The following OR5D14 variants were observed in gnomAD, a reference collection of about 807,000 sequenced individuals.
OR5D14 encodes the protein olfactory receptor 5D14.
For missense variants in OR5D14, 466 were observed against 375.5 expected, an observed-to-expected ratio of 1.24 and a Z score of -1.99; for synonymous variants, 187 against 138.2, an observed-to-expected ratio of 1.35 and a Z score of -2.48.
rs763302575 is a variant in OR5D14, at chr11:55,796,130, CT to C, written c.576del (p.Asp193IlefsTer22). 3.7e-6 allele frequency: 6 copies of C among 1,613,692 alleles called. No individual in the cohort carries two copies. Among genetic ancestry groups the C allele is most frequent in the South Asian group, 1.1e-5 (1 of 91,084 alleles). Reference sequence around the variant, plus strand: ...ACTGCTCTCATCTCTGTGTCTGGCTCTGATATACTCATCCCCCACCTGCTGC... The same window carrying C: ...ACTGCTCTCATCTCTGTGTCTGGCTCGATATACTCATCCCCCACCTGCTGC... ...EYTALISVSG[S>X]DILIPHLLLF... On this transcript the variant is annotated frameshift_variant, in exon 1 of 1. Transcript: ENST00000335605. LOFTEE classifies it low-confidence loss of function (END_TRUNC).
chr11:55,796,484 A>G lies in OR5D14; in HGVS notation c.929A>G (p.Gln310Arg). Residue 310 changes from glutamine (Q) to arginine (R), a missense_variant, in exon 1 of 1, where the codon CAA becomes CGA. By Grantham distance (43) the Gln-to-Arg change is conservative. Transcript: ENST00000335605. Reference protein sequence around the residue: ...KDAFWKLIHTQVPFH With the variant: ...KDAFWKLIHTRVPFH ...GCTTTCTGGAAGTTAATACATACAC[A>G]AGTTCCATTTCACTGAACCAGTCTC... 6.3e-7 allele frequency: 1 copy of G among 1,598,802 alleles called. No homozygotes were observed. The highest frequency in any genetic ancestry group is 8.5e-7 in the Non-Finnish European group (1 of 1,173,226).
chr11:55,795,864 C>G lies in OR5D14; in HGVS notation c.309C>G (p.Tyr103Ter). Residue 103 changes from tyrosine (Y) to a stop codon, truncating the protein, a stop_gained, in exon 1 of 1, where the codon TAC becomes TAG. Transcript: ENST00000335605. LOFTEE classifies it low-confidence loss of function (END_TRUNC). The stretch of plus-strand genomic sequence containing the variant: ...TCTACTTTAGCTGCATGATGCAGTA[C>G]TTCCTGTCCTGCACTGCTGTGGTGA... ...SIFYFSCMMQYFLSCTAVVTE... is the reference protein window; with the variant it reads ...SIFYFSCMMQ 1 of 1,613,908 alleles carries G rather than the reference C, an allele frequency of 6.2e-7. No homozygotes were observed. The highest frequency in any genetic ancestry group is 8.5e-7 in the Non-Finnish European group (1 of 1,179,974).
Position 55,796,037 on chromosome 11 carries a change from TC to T in OR5D14, c.484del (p.Leu162PhefsTer7), listed in dbSNP as rs1267809204. On this transcript the variant is annotated frameshift_variant, in exon 1 of 1. Transcript: ENST00000335605. LOFTEE classifies it low-confidence loss of function (END_TRUNC). ...TGGGGCATGTTTGGCCCCTTGGTAC[TC>T]CTTTGTTATGCTCTCCGGTTAAACT... is the stretch of plus-strand genomic sequence containing the variant. ...YLWGMFGPLV[L>X]LCYALRLNFS... The T allele has an allele frequency of 6.2e-7, 1 of 1,613,944 alleles. No individual in the cohort carries two copies. Among genetic ancestry groups the T allele is most frequent in the Admixed American group, 1.7e-5 (1 of 60,000 alleles).
Position 55,795,800 on chromosome 11 carries a change from A to G in OR5D14, c.245A>G (p.Lys82Arg), listed in dbSNP as rs1853516957. The G allele has an allele frequency of 6.2e-7, 1 of 1,613,708 alleles. No individual in the cohort carries two copies. Among genetic ancestry groups the G allele is most frequent in the African/African-American group, 1.3e-5 (1 of 74,808 alleles). ...TGTTACTCTTCCATTGTCACTCCCA[A>G]GCTGCTTGAGAACTTGGTAATGGCA... ...DFCYSSIVTP[K>R]LLENLVMADK... is the part of the protein sequence containing the mutation. The change falls in exon 1 of 1, where the codon AAG (lysine) becomes AGG (arginine). Residue 82 changes from lysine to arginine, a missense_variant. Physicochemically the swap from Lys to Arg is conservative, Grantham distance 26. Coordinates refer to ENST00000335605, the MANE Select transcript of OR5D14 (RefSeq NM_001004735.1).
At position 55,795,911 on chromosome 11, in the gene OR5D14, T is replaced by G; in HGVS notation, c.356T>G (p.Val119Gly). The G allele has an allele frequency of 6.2e-7, 1 of 1,613,940 alleles. No homozygotes were observed. Among genetic ancestry groups the G allele is most frequent in the Non-Finnish European group, 8.5e-7 (1 of 1,179,990 alleles). Residue 119 changes from valine to glycine, a missense_variant, in exon 1 of 1, where the codon GTG (valine) becomes GGG (glycine). Physicochemically the swap from Val to Gly is moderately radical, Grantham distance 109. Coordinates refer to ENST00000335605, the MANE Select transcript of OR5D14 (RefSeq NM_001004735.1). ...GTGACAGAGTCTTTCTTGCTGGCAG[T>G]GATGGCCTATGACCGCTTTGTGGCC... Reference protein sequence around the residue: ...AVVTESFLLAVMAYDRFVAIC... With the variant: ...AVVTESFLLAGMAYDRFVAIC...
Position 55,795,835 on chromosome 11 carries a change from ATCT to A in OR5D14, c.284_286del (p.Phe95del), listed in dbSNP as rs1346737420. The A allele has an allele frequency of 1.2e-6, 2 of 1,613,848 alleles. No individual in the cohort carries two copies. The highest frequency in any genetic ancestry group is 2.2e-5 in the East Asian group (1 of 44,880). On this transcript the variant is annotated inframe_deletion, in exon 1 of 1. Transcript: ENST00000335605. ...GAACTTGGTAATGGCAGATAAAAGC[ATCT>A]TCTACTTTAGCTGCATGATGCAGTA...
In OR5D14 at chr11:55,795,983, G is replaced by C; in HGVS notation, c.428G>C (p.Cys143Ser). Reference sequence around the variant, plus strand: ...ACAGTGGCCATGTCACAGAGGCTCTGTGCCCTGCTGGTGGCTGGGTCATAT... The same window carrying C: ...ACAGTGGCCATGTCACAGAGGCTCTCTGCCCTGCTGGTGGCTGGGTCATAT... ...LYTVAMSQRL[C>S]ALLVAGSYLW... The change falls in exon 1 of 1, where the codon TGT becomes TCT. Residue 143 changes from cysteine to serine, a missense_variant. Cys to Ser is a moderately radical substitution (Grantham distance 112). Transcript: ENST00000335605. The C allele has an allele frequency of 6.2e-7, 1 of 1,613,928 alleles. No individual in the cohort carries two copies. Among genetic ancestry groups the C allele is most frequent in the Non-Finnish European group, 8.5e-7 (1 of 1,180,012 alleles).
chr11:55,795,953 T>C lies in OR5D14; in HGVS notation c.398T>C (p.Leu133Pro). 6.2e-7 allele frequency: 1 copy of C among 1,613,942 alleles called. No individual in the cohort carries two copies. Among genetic ancestry groups the C allele is most frequent in the Non-Finnish European group, 8.5e-7 (1 of 1,180,022 alleles). ...DRFVAICNPL[L>P]YTVAMSQRLC... is the part of the protein sequence containing the mutation. Reference sequence around the variant, plus strand: ...TTTGTGGCCATCTGCAATCCTCTGCTTTATACAGTGGCCATGTCACAGAGG... The same window carrying C: ...TTTGTGGCCATCTGCAATCCTCTGCCTTATACAGTGGCCATGTCACAGAGG... The change falls in exon 1 of 1, where the codon CTT (leucine) becomes CCT (proline). Residue 133 changes from leucine to proline, a missense_variant. Transcript: ENST00000335605.
At position 55,795,600 on chromosome 11, in the gene OR5D14, C is replaced by T; in HGVS notation, c.45C>T (p.Ala15=). The change falls in exon 1 of 1, where the codon GCC becomes GCT. Residue 15 remains alanine (A), a synonymous_variant. Transcript: ENST00000335605. ...ATCTGAGCATGGAGCCCACCTTTGCCCTTTTAGGTTTCACAGATTACCCAA... is the reference window on the plus strand; with the variant it reads ...ATCTGAGCATGGAGCCCACCTTTGCTCTTTTAGGTTTCACAGATTACCCAA... The part of the protein sequence containing the change: ...LRNLSMEPTF[A]LLGFTDYPKL... 2 of 1,610,326 alleles carry T rather than the reference C, an allele frequency of 1.2e-6. No individual in the cohort carries two copies. Among genetic ancestry groups the T allele is most frequent in the South Asian group, 1.1e-5 (1 of 90,586 alleles).
At position 55,796,359 on chromosome 11, in the gene OR5D14, C is replaced by A; in HGVS notation, c.804C>A (p.Asn268Lys). The A allele has an allele frequency of 6.2e-7, 1 of 1,613,928 alleles. No individual in the cohort carries two copies. Among genetic ancestry groups the A allele is most frequent in the South Asian group, 1.1e-5 (1 of 91,082 alleles). ...TTTACTGTGTACCCAACTCCAAAAACTCTCGGCAAACAGTCAAAGTGGCCT... is the reference window on the plus strand; with the variant it reads ...TTTACTGTGTACCCAACTCCAAAAAATCTCGGCAAACAGTCAAAGTGGCCT... ...LFLYCVPNSK[N>K]SRQTVKVASV... Residue 268 changes from asparagine to lysine, a missense_variant, in exon 1 of 1, where the codon AAC becomes AAA. Physicochemically the swap from Asn to Lys is moderately conservative, Grantham distance 94 (BLOSUM62 0). Transcript: ENST00000335605.
Position 55,795,771 on chromosome 11 carries a change from T to C in OR5D14, c.216T>C (p.Asp72=), listed in dbSNP as rs1357880625. ...YFFLSHLSFV[D]FCYSSIVTPK... ...TCCTTAGTCACCTCTCTTTTGTTGA[T>C]TTTTGTTACTCTTCCATTGTCACTC... Residue 72 remains aspartate, a synonymous_variant, in exon 1 of 1, where the codon GAT becomes GAC. Transcript: ENST00000335605. 2 of 1,613,424 alleles carry C rather than the reference T, an allele frequency of 1.2e-6. No homozygotes were observed. The highest frequency in any genetic ancestry group is 1.7e-6 in the Non-Finnish European group (2 of 1,179,582).
At position 55,796,471 on chromosome 11, in the gene OR5D14, T is replaced by C. The variant is rs1338768344; in HGVS notation, c.916T>C (p.Leu306=). ...NKDVKDAFWK[L]IHTQVPFH is the part of the protein sequence containing the mutation. ...AGACGTGAAGGATGCTTTCTGGAAG[T>C]TAATACATACACAAGTTCCATTTCA... Residue 306 remains leucine (L), a synonymous_variant, in exon 1 of 1, where the codon TTA becomes CTA. Coordinates refer to ENST00000335605, the MANE Select transcript of OR5D14 (RefSeq NM_001004735.1). 1 of 1,607,618 alleles carries C rather than the reference T, an allele frequency of 6.2e-7. No individual in the cohort carries two copies.
At position 55,796,435 on chromosome 11, in the gene OR5D14, C is replaced by T. The variant is rs1248689922; in HGVS notation, c.880C>T (p.Leu294=). ...NPMLNPLIYS[L]RNKDVKDAFW... ...CATGCTGAACCCTCTGATCTACAGC[C>T]TAAGGAATAAAGACGTGAAGGATGC... Residue 294 remains leucine (L), a synonymous_variant, in exon 1 of 1, where the codon CTA becomes TTA. Transcript: ENST00000335605. 2.5e-6 allele frequency: 4 copies of T among 1,613,574 alleles called. No individual in the cohort carries two copies. Among genetic ancestry groups the T allele is most frequent in the Non-Finnish European group, 3.4e-6 (4 of 1,179,772 alleles).
In OR5D14 at chr11:55,796,365, GCAAA is replaced by G. The variant is rs756215171; in HGVS notation, c.813_816del (p.Thr272SerfsTer15). On this transcript the variant is annotated frameshift_variant, in exon 1 of 1. Transcript: ENST00000335605. LOFTEE classifies it low-confidence loss of function (END_TRUNC). ...GTGTACCCAACTCCAAAAACTCTCG[GCAAA>G]CAGTCAAAGTGGCCTCTGTATTTTA... 1.2e-5 allele frequency: 20 copies of G among 1,613,652 alleles called. No individual in the cohort carries two copies. The highest frequency in any genetic ancestry group is 1.6e-5 in the Non-Finnish European group (19 of 1,179,896).
rs780199062 is a variant in OR5D14 at position 55,796,213 on chromosome 11, T to A, written c.658T>A (p.Tyr220Asn). The change falls in exon 1 of 1, where the codon TAT becomes AAT. Residue 220 changes from tyrosine to asparagine, a missense_variant. Transcript: ENST00000335605. ...MCTLLIILTSYVFIFVTVLKI... is the reference protein window; with the variant it reads ...MCTLLIILTSNVFIFVTVLKI... ...TACACTACTGATCATCCTCACTTCC[T>A]ATGTTTTCATTTTTGTGACTGTACT... The A allele has an allele frequency of 2.5e-6, 4 of 1,614,032 alleles. No homozygotes were observed. The South Asian group carries it at 4.4e-5, about 18-fold the overall frequency.
In OR5D14 at chr11:55,796,436, T is replaced by C. The variant is rs1478524273; in HGVS notation, c.881T>C (p.Leu294Pro). ...ATGCTGAACCCTCTGATCTACAGCC[T>C]AAGGAATAAAGACGTGAAGGATGCT... ...NPMLNPLIYSLRNKDVKDAFW... is the reference protein window; with the variant it reads ...NPMLNPLIYSPRNKDVKDAFW... The change falls in exon 1 of 1, where the codon CTA becomes CCA. Residue 294 changes from leucine to proline, a missense_variant. Leu to Pro is a moderately conservative substitution (Grantham distance 98). Transcript: ENST00000335605. 6.2e-7 allele frequency: 1 copy of C among 1,613,588 alleles called. No homozygotes were observed. Among genetic ancestry groups the C allele is most frequent in the South Asian group, 1.1e-5 (1 of 91,062 alleles).
Position 55,795,902 on chromosome 11 carries a change from T to C in OR5D14, c.347T>C (p.Leu116Ser), listed in dbSNP as rs757760582. The change falls in exon 1 of 1, where the codon TTG becomes TCG. Residue 116 changes from leucine to serine, a missense_variant. Transcript: ENST00000335605. ...ACTGCTGTGGTGACAGAGTCTTTCT[T>C]GCTGGCAGTGATGGCCTATGACCGC... is the stretch of plus-strand genomic sequence containing the variant. ...SCTAVVTESF[L>S]LAVMAYDRFV... is the part of the protein sequence containing the mutation. 22 of 1,613,832 alleles carry C rather than the reference T, an allele frequency of 1.4e-5. No individual in the cohort carries two copies. Among genetic ancestry groups the C allele is most frequent in the Non-Finnish European group, 1.9e-5 (22 of 1,180,010 alleles).
chr11:55,795,898 TTC>T lies in OR5D14; in HGVS notation c.345_346del (p.Leu116AlafsTer7). On this transcript the variant is annotated frameshift_variant, in exon 1 of 1. Transcript: ENST00000335605. LOFTEE classifies it low-confidence loss of function (END_TRUNC). ...LSCTAVVTESFLLAVMAYDRF... is the reference protein window; with the variant it reads ...LSCTAVVTESXLLAVMAYDRF... ...CTGCACTGCTGTGGTGACAGAGTCT[TTC>T]TTGCTGGCAGTGATGGCCTATGACC... The T allele has an allele frequency of 6.2e-7, 1 of 1,613,876 alleles. No homozygotes were observed. The highest frequency in any genetic ancestry group is 8.5e-7 in the Non-Finnish European group (1 of 1,179,972).
rs201578649 is a variant in OR5D14, at chr11:55,796,363, C to G, written c.808C>G (p.Arg270Gly). 1.2e-6 allele frequency: 2 copies of G among 1,613,892 alleles called. No individual in the cohort carries two copies. Among genetic ancestry groups the G allele is most frequent in the Non-Finnish European group, 1.7e-6 (2 of 1,179,912 alleles). The change falls in exon 1 of 1, where the codon CGG becomes GGG. Residue 270 changes from arginine to glycine, a missense_variant. By Grantham distance (125) the Arg-to-Gly change is moderately radical. Coordinates refer to ENST00000335605, the MANE Select transcript of OR5D14 (RefSeq NM_001004735.1). Reference sequence around the variant, plus strand: ...CTGTGTACCCAACTCCAAAAACTCTCGGCAAACAGTCAAAGTGGCCTCTGT... The same window carrying G: ...CTGTGTACCCAACTCCAAAAACTCTGGGCAAACAGTCAAAGTGGCCTCTGT... ...LYCVPNSKNS[R>G]QTVKVASVFY...
Sources: gnomAD v4.1 joint callset for allele counts on GRCh38, gnomAD v4.1.1 for gene constraint, MANE v1.5 for transcripts, NCBI Gene and HGNC (gene_info 2026-07-23, HGNC 2026-07-21) for gene names.